Variants in DOK5 observed in about 807,000 individuals in gnomAD.
DOK5 encodes the protein downstream of tyrosine kinase 5.
DOK5 carries 27 observed loss-of-function variants against 43.3 expected under a neutral mutation model. The observed-to-expected ratio is 0.62, with a 90% CI of 0.46 to 0.86. The LOEUF (loss-of-function observed/expected upper bound fraction) is 0.86, where lower values mean the gene tolerates loss of function less well. Ranked by LOEUF, DOK5 falls within the 40% of genes least tolerant of loss-of-function variation. The pLI, the probability that DOK5 is intolerant of heterozygous loss-of-function variation, is 0.00. For missense variants in DOK5, 373 were observed against 392.9 expected (o/e 0.95, Z 0.43); for synonymous variants, 146 against 140.1 (o/e 1.04, Z -0.30).
In DOK5 at chr20:54,555,057, G is replaced by T. The variant is rs987905843; in HGVS notation, c.174+17G>T. 10 of 1,544,016 alleles carry T rather than the reference G, an allele frequency of 6.5e-6. No individual in the cohort carries two copies. Among genetic ancestry groups the T allele is most frequent in the Admixed American group, 3.3e-5 (2 of 59,846 alleles). ...TATCATAAGGTAAGACTCAATTGCT[G>T]TAGCTTTCCAGTAATCTATTTACAG... On this transcript the variant is annotated intron_variant, in intron 2 of 7. Transcript: ENST00000262593.
chr20:54,502,494 G>T (rs1982647274), intron 1 of DOK5, among the ~76,000 whole-genome samples: 1 of 151,980 alleles, frequency 6.6e-6, no homozygotes, highest in Non-Finnish European at 1.5e-5. Context: ...GTTCAAAAGG[G>T]TATACAGGAA....
intron 6 of DOK5, among the ~76,000 whole-genome samples, chr20:54,619,493 A>G (rs1055856797): frequency 6.6e-6 from 1 of 152,192 alleles, no homozygotes; most frequent in African/African-American, 2.4e-5. Flanking sequence ...CTTTCCTTCA[A>G]GGCGAGAGCC....
intron 1 of DOK5, among the ~76,000 whole-genome samples, chr20:54,514,314 T>G (rs760290064): frequency 2.6e-5 from 4 of 152,196 alleles, no homozygotes; most frequent in Non-Finnish European, 4.4e-5. Flanking sequence ...GCGTGAGAAT[T>G]TGCCTTTTCC....
intron 1 of DOK5, among the ~76,000 whole-genome samples, chr20:54,489,284 A>G (rs1982068440): frequency 1.3e-5 from 2 of 152,198 alleles, no homozygotes; most frequent in African/African-American, 4.8e-5. Flanking sequence ...AAGTTTATAC[A>G]CCAAAGAGTA....
At chr20:54,577,956 T>C (rs1428773693) in intron 2 of DOK5, among the ~76,000 whole-genome samples, 2 of 152,228 alleles carry the variant, frequency 1.3e-5, no homozygotes, top group Non-Finnish European at 2.9e-5. Flanking sequence ...AATGAATGAT[T>C]CTTGATAGAT....
intron 4 of DOK5, among the ~76,000 whole-genome samples, chr20:54,590,691 A>ACTATCTTATCATATTCAACT (rs1474025521): frequency 7.9e-5 from 12 of 152,206 alleles, no homozygotes; most frequent in Non-Finnish European, 1.6e-4. Flanking sequence ...AAAATCTATG[A>ACTATCTTATCATATTCAACT]AAATTCAAAT....
chr20:54,534,625 C>T (rs1044919132), intron 1 of DOK5, among the ~76,000 whole-genome samples: 1 of 152,176 alleles, frequency 6.6e-6, no homozygotes, highest in South Asian at 2.1e-4. Context: ...TAAGTGAAAG[C>T]ATACACGTGA....
chr20:54,570,471 C>T (rs1985249038), intron 2 of DOK5, among the ~76,000 whole-genome samples: 1 of 152,150 alleles, frequency 6.6e-6, no homozygotes, highest in Non-Finnish European at 1.5e-5. Context: ...AAGTGAATTG[C>T]TCACTTAATT....
chr20:54,512,478 A>G (rs1240083302), intron 1 of DOK5, among the ~76,000 whole-genome samples: 1 of 152,154 alleles, frequency 6.6e-6, no homozygotes, highest in African/African-American at 2.4e-5. Context: ...CAACTTAAGA[A>G]GTTGACTTTG....
At chr20:54,585,901 C>G (rs543447976) in intron 2 of DOK5, among the ~76,000 whole-genome samples, 1 of 152,306 alleles carries the variant, frequency 6.6e-6, no homozygotes, top group East Asian at 1.9e-4. Context: ...GCGGGCAGAT[C>G]ACCTGAGGTC....
intron 6 of DOK5, among the ~76,000 whole-genome samples, chr20:54,641,295 C>T (rs1979097637): frequency 6.6e-6 from 1 of 152,008 alleles, no homozygotes; most frequent in Non-Finnish European, 1.5e-5. Flanking sequence ...AATGTAAATT[C>T]AATGCATACA....
At chr20:54,641,517 C>T (rs1192172115) in intron 6 of DOK5, among the ~76,000 whole-genome samples, 1 of 149,926 alleles carries the variant, frequency 6.7e-6, no homozygotes, top group Non-Finnish European at 1.5e-5. Flanking sequence ...AAAATCCTAA[C>T]ATGGGCATTG....
At chr20:54,496,258 T>TA (rs1289135829) in intron 1 of DOK5, among the ~76,000 whole-genome samples, 1 of 152,184 alleles carries the variant, frequency 6.6e-6, no homozygotes, top group Non-Finnish European at 1.5e-5. Flanking sequence ...AATACAAAGT[T>TA]AGAAATACCA....
intron 2 of DOK5, among the ~76,000 whole-genome samples, chr20:54,556,789 C>G (rs1211884330): frequency 6.6e-6 from 1 of 152,196 alleles, no homozygotes; most frequent in African/African-American, 2.4e-5. Flanking sequence ...TCTGTACTGT[C>G]TGGTCATTGT....
chr20:54,483,440 C>T (rs535583948), intron 1 of DOK5, among the ~76,000 whole-genome samples: 6 of 152,100 alleles, frequency 3.9e-5, no homozygotes, highest in Admixed American at 6.6e-5. Flanking sequence ...AATCACCATC[C>T]TCAAGGAGTT....
intron 1 of DOK5, among the ~76,000 whole-genome samples, chr20:54,514,387 A>G (rs1353438946): frequency 1.3e-5 from 2 of 152,198 alleles, no homozygotes; most frequent in African/African-American, 2.4e-5. Context: ...TTCAGACAGA[A>G]GAGGAATTCC....
intron 1 of DOK5, among the ~76,000 whole-genome samples, chr20:54,538,725 C>G (rs547445040): frequency 1.3e-5 from 2 of 151,872 alleles, no homozygotes; most frequent in Non-Finnish European, 2.9e-5. Flanking sequence ...AAAGTTTATC[C>G]CAGAGAAATA....
intron 6 of DOK5, among the ~76,000 whole-genome samples, chr20:54,633,292 C>T (rs1309148024): frequency 1.3e-5 from 2 of 152,050 alleles, no homozygotes; most frequent in African/African-American, 4.8e-5. Flanking sequence ...AGGCAGAACC[C>T]AAAGATATTG....
In DOK5 at chr20:54,610,436, G is replaced by C. The variant is rs766121245; in HGVS notation, c.648G>C (p.Gly216=). ...EGLFIFQTRD[G]EAIYQKVHSA... is the part of the protein sequence containing the mutation. ...TGTTTATCTTTCAGACCCGAGACGG[G>C]GAGGCCATCTATCAGAAAGTCCACT... The change falls in exon 6 of 8, where the codon GGG becomes GGC. Residue 216 remains glycine, a synonymous_variant. Transcript: ENST00000262593. The C allele has an allele frequency of 1.2e-6, 2 of 1,600,696 alleles. No individual in the cohort carries two copies. The highest frequency in any genetic ancestry group is 1.7e-6 in the Non-Finnish European group (2 of 1,173,568).
Sources: allele counts gnomAD v4.1 joint callset (sites outside exome capture counted in the v4.1 genomes callset), GRCh38; gene constraint gnomAD v4.1.1; transcripts MANE v1.5; gene names NCBI Gene and HGNC (gene_info 2026-07-23, HGNC 2026-07-21).